The following PLCB1 variants were observed in gnomAD, a reference collection of about 807,000 sequenced individuals.
The protein encoded by PLCB1 is 1-phosphatidylinositol 4,5-bisphosphate phosphodiesterase beta-1.
Under a neutral mutation model 161.8 loss-of-function variants are expected in PLCB1, and 46 were observed. The ratio of observed to expected loss-of-function variants is 0.28; its 90% CI spans 0.22 to 0.36. PLCB1 has a LOEUF of 0.36. Ranked by LOEUF, PLCB1 falls within the 10% of genes least tolerant of loss-of-function variation. The pLI, the probability that PLCB1 is intolerant of heterozygous loss-of-function variation, is 1.00. For synonymous variants in PLCB1, 517 were observed against 503.7 expected (o/e 1.03, Z -0.35); for missense variants, 1,016 against 1,472.5 (o/e 0.69, Z 5.07).
At chr20:8,361,268 G>T (rs561099413) in intron 2 of PLCB1, among the ~76,000 whole-genome samples, 1 of 152,272 alleles carries the variant, frequency 6.6e-6, no homozygotes, top group South Asian at 2.1e-4. Context: ...AGTTTTATTA[G>T]TAGTTTTCTC....
At chr20:8,678,893 T>A (rs746360164) in intron 9 of PLCB1, among the ~76,000 whole-genome samples, 12 of 152,214 alleles carry the variant, frequency 7.9e-5, no homozygotes, top group Non-Finnish European at 1.8e-4. Context: ...ATGAAATTAG[T>A]GTGTCCACTA....
At chr20:8,758,041 A>C (rs1981828675) in intron 24 of PLCB1, among the ~76,000 whole-genome samples, 1 of 151,818 alleles carries the variant, frequency 6.6e-6, no homozygotes, top group Admixed American at 6.6e-5. Flanking sequence ...TCCTCTGTAC[A>C]TCACACAGTG....
At chr20:8,790,724 G>A (rs972030801) in intron 31 of PLCB1, among the ~76,000 whole-genome samples, 1 of 152,136 alleles carries the variant, frequency 6.6e-6, no homozygotes, top group African/African-American at 2.4e-5. Context: ...TCAGAGAAAA[G>A]CAAATCTTTT....
intron 3 of PLCB1, among the ~76,000 whole-genome samples, chr20:8,601,809 A>T (rs903853302): frequency 1.3e-5 from 2 of 152,230 alleles, no homozygotes; most frequent in Admixed American, 1.3e-4. Flanking sequence ...ACATTGATAG[A>T]GAGCCAAGTT....
intron 27 of PLCB1, among the ~76,000 whole-genome samples, chr20:8,779,329 A>G (rs1189024981): frequency 6.6e-6 from 1 of 152,066 alleles, no homozygotes; most frequent in Admixed American, 6.6e-5. Flanking sequence ...GTGTATAATA[A>G]ACAGTACTAA....
chr20:8,550,798 C>A (rs1985748758), intron 3 of PLCB1, among the ~76,000 whole-genome samples: 3 of 152,152 alleles, frequency 2.0e-5, no homozygotes, highest in Non-Finnish European at 4.4e-5. Flanking sequence ...AGTATAACTC[C>A]TAGCAACAAC....
intron 3 of PLCB1, among the ~76,000 whole-genome samples, chr20:8,599,427 C>T (rs1987459207): frequency 6.8e-6 from 1 of 147,296 alleles, no homozygotes; most frequent in Admixed American, 6.7e-5. Flanking sequence ...GAATATTGGC[C>T]CCCACTCTCT....
At chr20:8,530,450 A>G (rs1351969234) in intron 3 of PLCB1, among the ~76,000 whole-genome samples, 2 of 152,060 alleles carry the variant, frequency 1.3e-5, no homozygotes, top group Non-Finnish European at 2.9e-5. Flanking sequence ...CCTTTGATCC[A>G]TGAATTGTTT....
chr20:8,340,398 T>G (rs1325924479), intron 2 of PLCB1, among the ~76,000 whole-genome samples: 1 of 152,210 alleles, frequency 6.6e-6, no homozygotes, highest in Non-Finnish European at 1.5e-5. Context: ...GATTTTAATA[T>G]ATTGTTAAAT....
chr20:8,599,041 G>A, intron 3 of PLCB1, among the ~76,000 whole-genome samples: 1 of 144,212 alleles, frequency 6.9e-6, no homozygotes, highest in Non-Finnish European at 1.5e-5. Context: ...GATGGGTCTT[G>A]ACTCTTTATC....
chr20:8,764,142 G>C (rs1466272897), intron 25 of PLCB1, among the ~76,000 whole-genome samples: 1 of 152,082 alleles, frequency 6.6e-6, no homozygotes, highest in East Asian at 2.0e-4. Context: ...ACTCCAGCCT[G>C]CGCAACAGAG....
In PLCB1 at chr20:8,226,255, C is replaced by G. The variant is rs564588564; in HGVS notation, c.177+75884C>G. Among the ~76,000 whole-genome samples the G allele has an allele frequency of 2.6e-5, 4 of 152,278 alleles. No individual in the cohort carries two copies. The South Asian group carries it at 8.3e-4, about 32-fold the overall frequency. On this transcript the variant is annotated intron_variant, in intron 2 of 31. Transcript: ENST00000338037. Reference sequence around the variant, plus strand: ...CCAGACCTACTTCTGTCCACTAATCCTACAGCTTCCCTTGGTACTTGTGCA... The same window carrying G: ...CCAGACCTACTTCTGTCCACTAATCGTACAGCTTCCCTTGGTACTTGTGCA...
At chr20:8,837,055 C>A (rs1031971008) in intron 31 of PLCB1, among the ~76,000 whole-genome samples, 1 of 152,072 alleles carries the variant, frequency 6.6e-6, no homozygotes, top group Non-Finnish European at 1.5e-5. Flanking sequence ...GCTTCAGCCC[C>A]GATGAAGCTG....
intron 3 of PLCB1, among the ~76,000 whole-genome samples, chr20:8,418,022 A>G (rs1285084568): frequency 2.0e-5 from 3 of 152,174 alleles, no homozygotes; most frequent in Non-Finnish European, 4.4e-5. Flanking sequence ...CTAAAAGTCC[A>G]AGGCTTGAGG....
At chr20:8,266,077 G>A (rs1981941345) in intron 2 of PLCB1, among the ~76,000 whole-genome samples, 1 of 152,140 alleles carries the variant, frequency 6.6e-6, no homozygotes, top group Non-Finnish European at 1.5e-5. Context: ...GTCGATGTCA[G>A]TGTTGAGGCT....
At position 8,700,254 on chromosome 20, in the gene PLCB1, C is replaced by T. The variant is rs548377862; in HGVS notation, c.1167+2471C>T. ...CCCACTCCCTCCCCAGGCCACTGCC[C>T]TGTCTACCCTCCAGAGACATTGTGA... On this transcript the variant is annotated intron_variant, in intron 11 of 31. Transcript: ENST00000338037. 1.9e-3 allele frequency among the ~76,000 whole-genome samples: 289 copies of T among 152,356 alleles called. 1 individual carries two copies. Among genetic ancestry groups the T allele is most frequent in the Admixed American group, 3.6e-3 (55 of 15,308 alleles).
intron 3 of PLCB1, among the ~76,000 whole-genome samples, chr20:8,391,763 GTATATATA>G (rs146859336): frequency 8.2e-6 from 1 of 122,510 alleles, no homozygotes; most frequent in Admixed American, 8.9e-5. Flanking sequence ...AAATAATGAA[GTATATATA>G]TATATATGTG....
At chr20:8,380,524 A>G (rs1485374832) in intron 3 of PLCB1, among the ~76,000 whole-genome samples, 3 of 152,204 alleles carry the variant, frequency 2.0e-5, no homozygotes, top group Admixed American at 2.0e-4. Flanking sequence ...TTGAATCTAT[A>G]AATTATTTTG....
At chr20:8,724,429 G>T (rs899461045) in intron 15 of PLCB1, among the ~76,000 whole-genome samples, 2 of 152,124 alleles carry the variant, frequency 1.3e-5, no homozygotes, top group Non-Finnish European at 2.9e-5. Context: ...TTATGTTGGG[G>T]CCATGCTGCC....
Sources: allele counts gnomAD v4.1 joint callset (sites outside exome capture counted in the v4.1 genomes callset), GRCh38; gene constraint gnomAD v4.1.1; transcripts MANE v1.5; gene names NCBI Gene and HGNC (gene_info 2026-07-23, HGNC 2026-07-21).